Variants in CYREN observed in about 807,000 individuals in gnomAD.
The protein encoded by CYREN is cell cycle regulator of non-homologous end joining.
A neutral mutation model predicts 9.7 loss-of-function variants in CYREN; 7 were observed. That is an observed-to-expected ratio of 0.72 (90% CI 0.41 to 1.36). The LOEUF (loss-of-function observed/expected upper bound fraction) is 1.36. Among genes scored for constraint, CYREN ranks in the 40% most tolerant of loss-of-function variants. The pLI is 0.01. For missense variants in CYREN, 215 were observed against 198.1 expected (o/e 1.09, Z -0.51); for synonymous variants, 76 against 77.9 (o/e 0.98, Z 0.13).
At chr7:135,131,291 A>T (rs1373216905) in intron 2 of CYREN, among the ~76,000 whole-genome samples, 2 of 151,992 alleles carry the variant, frequency 1.3e-5, no homozygotes, top group Non-Finnish European at 2.9e-5. Flanking sequence ...TAGAGGGGAA[A>T]ATCACACACC....
At chr7:135,141,305 T>C (rs1409956933) in intron 2 of CYREN, among the ~76,000 whole-genome samples, 2 of 152,132 alleles carry the variant, frequency 1.3e-5, no homozygotes, top group Non-Finnish European at 2.9e-5. Flanking sequence ...TTTCTAGGAA[T>C]TTATCCATTT....
At chr7:135,149,576 A>T (rs1225253087) in intron 2 of CYREN, among the ~76,000 whole-genome samples, 1 of 152,184 alleles carries the variant, frequency 6.6e-6, no homozygotes, top group Admixed American at 6.5e-5. Context: ...GACTATTTTT[A>T]GGGTTTTTAA....
rs147792753 is a variant in CYREN at position 135,148,415 on chromosome 7, G to A, written n.356+20334C>T. On this transcript the variant is annotated intron_variant and non_coding_transcript_variant, in intron 2 of 2. Transcript: ENST00000459937. ...TGTTCAGTATCTGTGACCCTCCCTC[G>A]CTCATGTCTGTATAATCTACATAAT... 2.1e-4 allele frequency: 65 copies of A among 303,098 alleles called. No individual in the cohort carries two copies. In the East Asian group the frequency reaches 5.9e-3, roughly 28 times the overall value. The allele number at this position is 303,098 out of a possible 1,614,324, so 18.8% of individuals were successfully genotyped here.
chr7:135,142,414 G>A (rs2117399105), intron 2 of CYREN, among the ~76,000 whole-genome samples: 1 of 152,210 alleles, frequency 6.6e-6, no homozygotes, highest in East Asian at 1.9e-4. Context: ...TTTGTTTTCA[G>A]TAAGGCTTCT....
Position 135,167,781 on chromosome 7 carries a change from C to T in CYREN, c.164G>A (p.Cys55Tyr). ...ARLPATRTVYCMNEAEIVDVA... is the reference protein window; with the variant it reads ...ARLPATRTVYYMNEAEIVDVA... ...ATCAACTATCTCAGCCTCATTCATG[C>T]AGTACACAGTCCTTGTCGCAGGGAG... The change falls in exon 3 of 4, where the codon TGC becomes TAC. Residue 55 changes from cysteine to tyrosine, a missense_variant. Transcript: ENST00000393114. The T allele has an allele frequency of 6.2e-7, 1 of 1,614,208 alleles. No homozygotes were observed. The highest frequency in any genetic ancestry group is 8.5e-7 in the Non-Finnish European group (1 of 1,180,046).
chr7:135,098,486 C>T (rs73442113), intron 2 of CYREN, among the ~76,000 whole-genome samples: 2,890 of 152,234 alleles, frequency 0.019, 104 homozygotes, highest in African/African-American at 0.065. Context: ...AAATATTTTC[C>T]ATCCTCAGTT....
chr7:135,145,090 G>A (rs1051701650), intron 2 of CYREN, among the ~76,000 whole-genome samples: 1 of 151,812 alleles, frequency 6.6e-6, no homozygotes, highest in Non-Finnish European at 1.5e-5. Context: ...AAAGCTGAAA[G>A]GATGACAAGA....
Position 135,153,060 on chromosome 7 carries a change from G to C in CYREN, n.356+15689C>G, listed in dbSNP as rs142075527. 3 of 152,208 alleles carry C rather than the reference G, an allele frequency of 2.0e-5. No individual in the cohort carries two copies. In the East Asian group the frequency reaches 5.8e-4, roughly 29 times the overall value. The allele number at this position is 152,208 out of a possible 1,614,324, so 9.4% of individuals were successfully genotyped here. ...TTTTCCAAAGGAAGACATACAAGTG[G>C]CCAAGAAACATATGAAAAATGCTCA... On this transcript the variant is annotated intron_variant and non_coding_transcript_variant, in intron 2 of 2. Coordinates refer to the CYREN transcript ENST00000459937.
At chr7:135,158,251 C>A (rs1383155670) in intron 2 of CYREN, among the ~76,000 whole-genome samples, 1 of 152,216 alleles carries the variant, frequency 6.6e-6, no homozygotes, top group East Asian at 1.9e-4. Flanking sequence ...GTCTCAACAG[C>A]AGCATGTTGC....
intron 2 of CYREN, among the ~76,000 whole-genome samples, chr7:135,106,218 T>C (rs904621284): frequency 6.6e-6 from 1 of 152,210 alleles, no homozygotes; most frequent in Admixed American, 6.5e-5. Flanking sequence ...ATGCTCTTTA[T>C]TTCTTTATCT....
intron 2 of CYREN, among the ~76,000 whole-genome samples, chr7:135,130,944 CA>C (rs1828666710): frequency 6.6e-6 from 1 of 152,066 alleles, no homozygotes; most frequent in Admixed American, 6.5e-5. Context: ...GAAAAGAGAA[CA>C]GAAAATTGAA....
At chr7:135,126,156 G>A (rs1827838104) in intron 2 of CYREN, among the ~76,000 whole-genome samples, 1 of 152,186 alleles carries the variant, frequency 6.6e-6, no homozygotes, top group Non-Finnish European at 1.5e-5. Context: ...CAACATCTCA[G>A]CCCCAAAACT....
At chr7:135,119,200 A>G (rs1278169087) in intron 2 of CYREN, among the ~76,000 whole-genome samples, 1 of 152,114 alleles carries the variant, frequency 6.6e-6, no homozygotes, top group Non-Finnish European at 1.5e-5. Flanking sequence ...GGATACACCC[A>G]AAGAAATTCA....
At chr7:135,136,659 A>G (rs1829352118) in intron 2 of CYREN, among the ~76,000 whole-genome samples, 1 of 152,062 alleles carries the variant, frequency 6.6e-6, no homozygotes, top group Admixed American at 6.6e-5. Context: ...AGAGTTCTCA[A>G]AATTCCATTG....
At chr7:135,162,639 A>C (rs143855725), downstream of CYREN, among the ~76,000 whole-genome samples, 2 of 152,342 alleles carry the variant, frequency 1.3e-5, no homozygotes, top group African/African-American at 4.8e-5. Flanking sequence ...ACTCACTACC[A>C]TGAGTACAGT....
chr7:135,131,825 G>A (rs1828819922), intron 2 of CYREN, among the ~76,000 whole-genome samples: 1 of 151,842 alleles, frequency 6.6e-6, no homozygotes, highest in South Asian at 2.1e-4. Flanking sequence ...AAGAAAAAAA[G>A]ACATAAATTA....
chr7:135,095,476 T>G (rs1822526235), intron 2 of CYREN, among the ~76,000 whole-genome samples: 1 of 152,190 alleles, frequency 6.6e-6, no homozygotes, highest in Non-Finnish European at 1.5e-5. Flanking sequence ...CAGCAAACAT[T>G]AAACAGTCCA....
intron 2 of CYREN, among the ~76,000 whole-genome samples, chr7:135,127,339 G>A (rs1196665106): frequency 5.9e-5 from 9 of 151,926 alleles, no homozygotes; most frequent in African/African-American, 1.2e-4. Flanking sequence ...GGTGGATCAC[G>A]AGGTCAGAAT....
At position 135,166,812 on chromosome 7, in the gene CYREN, C is replaced by T. The variant is rs771523198; in HGVS notation, c.273G>A (p.Glu91=). ...QPALAGADNP[E]HSPPCSVSPH... ...GCGACACGGAGCAGGGAGGGGAGTG[C>T]TCTGGGTTATCAGCCCCCGCCAGGG... The change falls in exon 4 of 4, where the codon GAG becomes GAA. Residue 91 remains glutamate (E), a synonymous_variant. Transcript: ENST00000393114. 1.2e-5 allele frequency: 20 copies of T among 1,614,112 alleles called. No individual in the cohort carries two copies. The highest frequency in any genetic ancestry group is 2.2e-5 in the South Asian group (2 of 91,088).
Sources: gnomAD v4.1 joint callset for allele counts (sites outside exome capture counted in the v4.1 genomes callset) on GRCh38, gnomAD v4.1.1 for gene constraint, MANE v1.5 for transcripts, NCBI Gene and HGNC (gene_info 2026-07-23, HGNC 2026-07-21) for gene names.